The following COX7B2 variants were observed in gnomAD, a reference collection of about 807,000 sequenced individuals.
COX7B2 encodes the protein cytochrome c oxidase subunit 7B2, mitochondrial.
For synonymous variants in COX7B2, 37 were observed against 32.1 expected (o/e 1.15, Z -0.51); for missense variants, 109 against 95.9 (o/e 1.14, Z -0.57).
chr4:46,767,881 T>C (rs1029845406), intron 2 of COX7B2, among the ~76,000 whole-genome samples: 2 of 152,240 alleles, frequency 1.3e-5, no homozygotes, highest in Non-Finnish European at 2.9e-5. Flanking sequence ...ATAGTTCCCT[T>C]GACCCTTGAA....
Position 46,867,048 on chromosome 4 carries a change from C to T in COX7B2, c.-104-22034G>A, listed in dbSNP as rs1717707518. ...TGTTACTACTAATTTTTGGCCCTTGCTTATTACCTCTTAGTAAAGTTTGTG... is the reference window on the plus strand; with the variant it reads ...TGTTACTACTAATTTTTGGCCCTTGTTTATTACCTCTTAGTAAAGTTTGTG... On this transcript the variant is annotated intron_variant, in intron 1 of 2. Coordinates refer to ENST00000355591, the MANE Select transcript of COX7B2 (RefSeq NM_130902.3). Among the ~76,000 whole-genome samples the T allele has an allele frequency of 2.0e-5, 3 of 152,146 alleles. No individual in the cohort carries two copies. The South Asian group carries it at 6.2e-4, about 32-fold the overall frequency.
chr4:46,809,390 T>C (rs1325446811), intron 2 of COX7B2, among the ~76,000 whole-genome samples: 1 of 151,906 alleles, frequency 6.6e-6, no homozygotes, highest in Non-Finnish European at 1.5e-5. Context: ...TATTTCTTCT[T>C]TTTAATGTAG....
intron 2 of COX7B2, among the ~76,000 whole-genome samples, chr4:46,803,382 A>G (rs1718769682): frequency 6.6e-6 from 1 of 152,184 alleles, no homozygotes; most frequent in Non-Finnish European, 1.5e-5. Flanking sequence ...ATATAATTAT[A>G]CTAAAATAAT....
At chr4:46,878,049 T>C (rs1163655903) in intron 1 of COX7B2, among the ~76,000 whole-genome samples, 1 of 145,898 alleles carries the variant, frequency 6.9e-6, no homozygotes, top group East Asian at 2.0e-4. Context: ...ACACAAAGAA[T>C]ATTACTCACC....
In COX7B2 at chr4:46,778,236, G is replaced by C. The variant is rs539091192; in HGVS notation, c.-49-42995C>G. On this transcript the variant is annotated intron_variant, in intron 2 of 2. Coordinates refer to ENST00000355591, the MANE Select transcript of COX7B2 (RefSeq NM_130902.3). ...TTTCTCAGAAGTATCCATGAACAAG[G>C]CTAAAACTTTTCCTATCACTATAAT... Among the ~76,000 whole-genome samples, 4 of 152,166 alleles carry C rather than the reference G, an allele frequency of 2.6e-5. No homozygotes were observed. The East Asian group carries it at 7.7e-4, about 29-fold the overall frequency.
chr4:46,763,278 A>G lies in COX7B2; in HGVS notation c.-49-28037T>C, dbSNP rs577951008. Among the ~76,000 whole-genome samples the G allele has an allele frequency of 3.5e-4, 51 of 143,858 alleles. 1 individual carries two copies. In the East Asian group the frequency reaches 9.3e-3, roughly 26 times the overall value. 94.4% of individuals were successfully genotyped at this position (143,858 alleles called of 152,430 possible). On this transcript the variant is annotated intron_variant, in intron 2 of 2. Transcript: ENST00000355591. ...CACACACACACAATTGTTTGTTTCA[A>G]TTTCCCCTTCTATAAAGCATATAAT...
At chr4:46,827,633 C>T (rs899899034) in intron 2 of COX7B2, among the ~76,000 whole-genome samples, 5 of 151,912 alleles carry the variant, frequency 3.3e-5, no homozygotes, top group African/African-American at 9.7e-5. Flanking sequence ...CATATCTGCA[C>T]TAAAAGGAAA....
chr4:46,760,173 G>A (rs1028800472), intron 2 of COX7B2, among the ~76,000 whole-genome samples: 12 of 152,100 alleles, frequency 7.9e-5, no homozygotes, highest in Non-Finnish European at 1.2e-4. Flanking sequence ...ACTAGAACTA[G>A]AAATACCCTT....
At chr4:46,870,864 T>C (rs1717948660) in intron 1 of COX7B2, among the ~76,000 whole-genome samples, 1 of 152,000 alleles carries the variant, frequency 6.6e-6, no homozygotes, top group Non-Finnish European at 1.5e-5. Flanking sequence ...AAAAACACTC[T>C]ATGCTCATGG....
At chr4:46,806,516 T>C (rs1183874078) in intron 2 of COX7B2, among the ~76,000 whole-genome samples, 1 of 152,120 alleles carries the variant, frequency 6.6e-6, no homozygotes, top group Non-Finnish European at 1.5e-5. Flanking sequence ...CACCATTTCA[T>C]ATAGTTACTC....
chr4:46,788,392 G>C (rs539928544), intron 2 of COX7B2, among the ~76,000 whole-genome samples: 36 of 152,258 alleles, frequency 2.4e-4, no homozygotes, highest in Middle Eastern at 3.4e-3. Context: ...TGATGACAAT[G>C]TGTTCTTGAA....
intron 2 of COX7B2, among the ~76,000 whole-genome samples, chr4:46,840,558 A>G (rs777913671): frequency 8.5e-4 from 130 of 152,128 alleles, no homozygotes; most frequent in South Asian, 4.3e-3. Context: ...CTGCCCACTA[A>G]TGGCTGATAG....
At chr4:46,804,042 G>A (rs1718824823) in intron 2 of COX7B2, among the ~76,000 whole-genome samples, 2 of 152,024 alleles carry the variant, frequency 1.3e-5, no homozygotes, top group Non-Finnish European at 2.9e-5. Flanking sequence ...GGATGTGTTT[G>A]GAGTTTCTTT....
intron 1 of COX7B2, among the ~76,000 whole-genome samples, chr4:46,870,173 G>A (rs1316914935): frequency 3.3e-5 from 5 of 151,652 alleles, no homozygotes; most frequent in Admixed American, 1.3e-4. Flanking sequence ...GTTACTACTC[G>A]TAAGTACATT....
At chr4:46,740,258 TG>T (rs959829363) in intron 2 of COX7B2, among the ~76,000 whole-genome samples, 2 of 152,054 alleles carry the variant, frequency 1.3e-5, no homozygotes, top group African/African-American at 4.8e-5. Context: ...CACAGACATG[TG>T]AAAATAAAAG....
chr4:46,790,340 G>T (rs570417990), intron 2 of COX7B2, among the ~76,000 whole-genome samples: 19 of 152,278 alleles, frequency 1.2e-4, no homozygotes, highest in Admixed American at 2.0e-4. Flanking sequence ...CAGGTAAATA[G>T]CTCCTGAAGA....
intron 1 of COX7B2, among the ~76,000 whole-genome samples, chr4:46,903,335 G>A (rs936719457): frequency 6.6e-6 from 1 of 152,122 alleles, no homozygotes; most frequent in African/African-American, 2.4e-5. Context: ...TGGGCATACA[G>A]TCATGTGCCA....
intron 2 of COX7B2, among the ~76,000 whole-genome samples, chr4:46,809,680 C>G (rs913892950): frequency 1.3e-5 from 2 of 151,800 alleles, no homozygotes; most frequent in African/African-American, 4.8e-5. Context: ...TGTTTTATCA[C>G]CTAACATTGT....
At chr4:46,907,847 A>ATTTTTTTTTTTTTTTT (rs1308450950) in intron 1 of COX7B2, among the ~76,000 whole-genome samples, 4 of 67,204 alleles carry the variant, frequency 6.0e-5, no homozygotes, top group African/African-American at 1.0e-4. Context: ...ATTTGAGCAG[A>ATTTTTTTTTTTTTTTT]CTTTTTTTTT....
Sources: allele counts gnomAD v4.1 joint callset (sites outside exome capture counted in the v4.1 genomes callset), GRCh38; gene constraint gnomAD v4.1.1; transcripts MANE v1.5; gene names NCBI Gene and HGNC (gene_info 2026-07-23, HGNC 2026-07-21).